The following EPHA5 variants were observed in gnomAD, a reference collection of about 807,000 sequenced individuals.
EPHA5 encodes EPH receptor A5, also known as ephrin type-A receptor 5.
In EPHA5, 60 loss-of-function variants were observed where a neutral mutation model predicts 105.0. That is an observed-to-expected ratio of 0.57 (90% CI 0.46 to 0.71). EPHA5 has a LOEUF of 0.71. Ranked by LOEUF, EPHA5 falls within the 30% of genes least tolerant of loss-of-function variation. EPHA5 has a pLI of 0.00. For synonymous variants in EPHA5, 513 were observed against 449.1 expected, an observed-to-expected ratio of 1.14 and a Z score of -1.80; for missense variants, 1,218 against 1,274.7, an observed-to-expected ratio of 0.96 and a Z score of 0.68.
At chr4:65,526,633 A>G (rs991566099) in intron 3 of EPHA5, among the ~76,000 whole-genome samples, 25 of 152,114 alleles carry the variant, frequency 1.6e-4, no homozygotes, top group African/African-American at 5.3e-4. Flanking sequence ...TATAGTAAGT[A>G]TCTACATGAG....
chr4:65,581,445 A>T (rs1741617629), intron 3 of EPHA5, among the ~76,000 whole-genome samples: 1 of 151,672 alleles, frequency 6.6e-6, no homozygotes, highest in Non-Finnish European at 1.5e-5. Context: ...TTAAAGACTA[A>T]CCTCCTGAAG....
intron 2 of EPHA5, among the ~76,000 whole-genome samples, chr4:65,641,118 A>G (rs1288520813): frequency 6.6e-6 from 1 of 152,196 alleles, no homozygotes; most frequent in African/African-American, 2.4e-5. Flanking sequence ...TGTCAAATAA[A>G]GACAATTCTC....
chr4:65,523,023 A>T (rs530656898), intron 3 of EPHA5, among the ~76,000 whole-genome samples: 7 of 152,062 alleles, frequency 4.6e-5, no homozygotes, highest in Admixed American at 1.3e-4. Flanking sequence ...ATGGCTGCTA[A>T]TATAGGATCA....
chr4:65,566,454 A>G (rs1482622760), intron 3 of EPHA5, among the ~76,000 whole-genome samples: 1 of 151,834 alleles, frequency 6.6e-6, no homozygotes, highest in Non-Finnish European at 1.5e-5. Flanking sequence ...TTTTTCAAGA[A>G]ATAAACTGTA....
chr4:65,352,721 T>C (rs1722932498), intron 12 of EPHA5, among the ~76,000 whole-genome samples: 1 of 151,920 alleles, frequency 6.6e-6, no homozygotes, highest in Non-Finnish European at 1.5e-5. Flanking sequence ...TTTTTCCTTT[T>C]TTCCCTTTTT....
chr4:65,535,463 T>C (rs1011187699), intron 3 of EPHA5, among the ~76,000 whole-genome samples: 2 of 152,146 alleles, frequency 1.3e-5, no homozygotes, highest in Admixed American at 1.3e-4. Context: ...CAATGTCAAA[T>C]GTTAAAAATG....
At chr4:65,597,239 AT>A (rs1316858761) in intron 3 of EPHA5, among the ~76,000 whole-genome samples, 1 of 152,200 alleles carries the variant, frequency 6.6e-6, no homozygotes, top group African/African-American at 2.4e-5. Flanking sequence ...AAGTGAAACT[AT>A]AATTATCTAG....
intron 5 of EPHA5, among the ~76,000 whole-genome samples, chr4:65,458,070 T>TC (rs760647382): frequency 1.9e-3 from 88 of 45,448 alleles, no homozygotes; most frequent in African/African-American, 3.5e-3. Context: ...CGACACTCCA[T>TC]CCCAAAAAAA....
At chr4:65,658,836 T>A (rs1469335209) in intron 1 of EPHA5, among the ~76,000 whole-genome samples, 1 of 152,076 alleles carries the variant, frequency 6.6e-6, no homozygotes, top group Non-Finnish European at 1.5e-5. Flanking sequence ...TTGATACTAG[T>A]TCTAATTTTT....
At chr4:65,476,127 A>AGAGTGTGTGTGTGTGT (rs1425495059) in intron 5 of EPHA5, among the ~76,000 whole-genome samples, 1 of 119,106 alleles carries the variant, frequency 8.4e-6, no homozygotes, top group African/African-American at 3.1e-5. Context: ...AGAGAGAGAG[A>AGAGTGTGTGTGTGTGT]GTGTGTGTGT....
At chr4:65,461,145 A>C (rs993035367) in intron 5 of EPHA5, among the ~76,000 whole-genome samples, 1 of 151,934 alleles carries the variant, frequency 6.6e-6, no homozygotes, top group Admixed American at 6.6e-5. Context: ...CAAATCAGCA[A>C]TTAGCAATAA....
chr4:65,459,989 C>G (rs1413711913), intron 5 of EPHA5, among the ~76,000 whole-genome samples: 1 of 151,570 alleles, frequency 6.6e-6, no homozygotes, highest in Non-Finnish European at 1.5e-5. Flanking sequence ...CTATTCAAAC[C>G]ATATTTTGAA....
chr4:65,410,788 T>G (rs1429164006), intron 7 of EPHA5, among the ~76,000 whole-genome samples: 2 of 152,106 alleles, frequency 1.3e-5, no homozygotes, highest in African/African-American at 4.8e-5. Context: ...AAACACAATA[T>G]CATTATTTCC....
chr4:65,437,981 A>G lies in EPHA5; in HGVS notation c.1403-17416T>C, dbSNP rs117494226. ...CCTCATACTGCATCCTTTTAAAAATATTTCAGAAATTAAATCCTCTGGATT... is the reference window on the plus strand; with the variant it reads ...CCTCATACTGCATCCTTTTAAAAATGTTTCAGAAATTAAATCCTCTGGATT... On this transcript the variant is annotated intron_variant, in intron 5 of 16. Transcript: ENST00000613740. Among the ~76,000 whole-genome samples, 158 of 152,074 alleles carry G rather than the reference A, an allele frequency of 1.0e-3. 3 individuals are homozygous for G. The East Asian group carries it at 0.027, about 26-fold the overall frequency.
intron 3 of EPHA5, among the ~76,000 whole-genome samples, chr4:65,514,528 G>C (rs1733918672): frequency 6.6e-6 from 1 of 152,150 alleles, no homozygotes; most frequent in Non-Finnish European, 1.5e-5. Flanking sequence ...AGTGAATCTT[G>C]AGAGTATTCC....
At chr4:65,472,629 G>T (rs34293423) in intron 5 of EPHA5, among the ~76,000 whole-genome samples, 33,407 of 152,132 alleles carry the variant, frequency 0.22, 4,444 homozygotes, top group Middle Eastern at 0.36. Flanking sequence ...AAGCAATGGT[G>T]CAAGCTGTAC....
chr4:65,355,177 CCCAT>C (rs1723184848), intron 11 of EPHA5, among the ~76,000 whole-genome samples: 2 of 151,454 alleles, frequency 1.3e-5, no homozygotes, highest in East Asian at 3.9e-4. Flanking sequence ...CAAGAAAGAG[CCCAT>C]GAAGTTTAAA....
intron 1 of EPHA5, among the ~76,000 whole-genome samples, chr4:65,648,335 T>A (rs958796415): frequency 1.3e-5 from 2 of 152,218 alleles, no homozygotes; most frequent in Non-Finnish European, 2.9e-5. Context: ...TAAGTCACTA[T>A]GAGCAGGAAA....
chr4:65,625,811 A>G (rs1261245390), intron 2 of EPHA5, among the ~76,000 whole-genome samples: 3 of 152,212 alleles, frequency 2.0e-5, no homozygotes, highest in Non-Finnish European at 4.4e-5. Context: ...TAATTTTAAC[A>G]TTTATTTAAA....
Sources: allele counts gnomAD v4.1 joint callset (sites outside exome capture counted in the v4.1 genomes callset), GRCh38; gene constraint gnomAD v4.1.1; transcripts MANE v1.5; gene names NCBI Gene and HGNC (gene_info 2026-07-23, HGNC 2026-07-21).